The following TM9SF2 variants were observed in gnomAD, a reference collection of about 807,000 sequenced individuals.
The protein encoded by TM9SF2 is 76 kDa membrane protein.
A neutral mutation model predicts 84.9 loss-of-function variants in TM9SF2; 13 were observed. That is an observed-to-expected ratio of 0.15 (90% confidence interval 0.10 to 0.24). The LOEUF (loss-of-function observed/expected upper bound fraction) is 0.24. Ranked by LOEUF, TM9SF2 falls within the 10% of genes least tolerant of loss-of-function variation. The pLI is 1.00. For synonymous variants in TM9SF2, 273 were observed against 285.8 expected (o/e 0.96, Z 0.45); for missense variants, 562 against 818.5 (o/e 0.69, Z 3.82).
intron 1 of TM9SF2, among the ~76,000 whole-genome samples, chr13:99,507,698 T>A (rs147049667): frequency 6.6e-6 from 1 of 152,188 alleles, no homozygotes; most frequent in African/African-American, 2.4e-5. Context: ...AAGGCGCCAC[T>A]GTGGACTGCT....
chr13:99,563,284 T>C lies in TM9SF2; in HGVS notation c.*526T>C, dbSNP rs2046351835. The C allele has an allele frequency of 6.6e-6, 1 of 152,292 alleles. No individual in the cohort carries two copies. Among genetic ancestry groups the C allele is most frequent in the Admixed American group, 6.5e-5 (1 of 15,292 alleles). The allele number at this position is 152,292 out of a possible 1,614,324, so 9.4% of individuals were successfully genotyped here. A position where few individuals can be genotyped will look rare whatever the true frequency, so the allele number is the denominator to read the frequency against. On this transcript the variant is annotated 3_prime_UTR_variant, in exon 17 of 17. Transcript: ENST00000376387. ...GTTGTAACTGTTCATATCTTCTTAC[T>C]TTTCTGTGTTGACTTCATTATTCCC...
chr13:99,551,746 T>C (rs908879321), intron 12 of TM9SF2, among the ~76,000 whole-genome samples: 2 of 152,194 alleles, frequency 1.3e-5, no homozygotes, highest in African/African-American at 4.8e-5. Context: ...AAGTAGAATA[T>C]GTAAATAACT....
chr13:99,513,057 A>G (rs796502775), intron 1 of TM9SF2, among the ~76,000 whole-genome samples: 5 of 152,360 alleles, frequency 3.3e-5, no homozygotes, highest in African/African-American at 1.2e-4. Flanking sequence ...GAGAAAGTAT[A>G]TCTGAAGAGA....
intron 1 of TM9SF2, among the ~76,000 whole-genome samples, chr13:99,506,805 C>A (rs2046090663): frequency 6.6e-6 from 1 of 152,206 alleles, no homozygotes; most frequent in Admixed American, 6.5e-5. Context: ...GGTCTGTGCA[C>A]TGTCAGCCTT....
chr13:99,559,340 G>A (rs770087239), intron 15 of TM9SF2, 23 bp from the exon 16 acceptor site: 14 of 1,551,144 alleles, frequency 9.0e-6, no homozygotes, highest in East Asian at 2.3e-5. Context: ...TGTAATTCTT[G>A]TTCTTTTTTC....
chr13:99,548,849 T>C (rs2046294544), intron 11 of TM9SF2, among the ~76,000 whole-genome samples: 1 of 152,194 alleles, frequency 6.6e-6, no homozygotes, highest in South Asian at 2.1e-4. Context: ...CGTGTGCCCT[T>C]CCTGTGCCTA....
intron 3 of TM9SF2, 78 bp downstream of exon 3, chr13:99,520,207 C>T (rs1434179074): frequency 8.1e-7 from 1 of 1,240,436 alleles, no homozygotes; most frequent in East Asian, 2.4e-5. Flanking sequence ...TGAGATAACT[C>T]AGCTATCATT....
chr13:99,554,546 G>A, intron 14 of TM9SF2, 91 bp downstream of exon 14: 1 of 1,329,860 alleles, frequency 7.5e-7, no homozygotes, highest in Non-Finnish European at 1.0e-6. Flanking sequence ...TTTGTATCCT[G>A]TAAATGTAAG....
intron 4 of TM9SF2, among the ~76,000 whole-genome samples, chr13:99,531,230 T>C (rs1286587069): frequency 6.6e-6 from 1 of 152,182 alleles, no homozygotes; most frequent in Non-Finnish European, 1.5e-5. Context: ...TTCTTCTGAG[T>C]AATTTTGCTT....
intron 1 of TM9SF2, among the ~76,000 whole-genome samples, chr13:99,507,769 C>A (rs773349013): frequency 1.3e-5 from 2 of 152,164 alleles, no homozygotes; most frequent in Admixed American, 6.5e-5. Flanking sequence ...ATATCTCAAA[C>A]CCTTTTGTGA....
chr13:99,550,654 G>T (rs2046301991), intron 12 of TM9SF2, among the ~76,000 whole-genome samples: 1 of 152,036 alleles, frequency 6.6e-6, no homozygotes, highest in Non-Finnish European at 1.5e-5. Context: ...AGGAATAGAA[G>T]GATCATTTAA....
Position 99,532,727 on chromosome 13 carries a change from G to A in TM9SF2, c.461+3133G>A, listed in dbSNP as rs1281223390. ...ACTAATTTATGATGCAGTTAACAAA[G>A]ATTTCATTATAATGCCAAGATGCTT... On this transcript the variant is annotated intron_variant, in intron 4 of 16. Transcript: ENST00000376387. Among the ~76,000 whole-genome samples, 3 of 152,176 alleles carry A rather than the reference G, an allele frequency of 2.0e-5. No individual in the cohort carries two copies. In the East Asian group the frequency reaches 5.8e-4, roughly 29 times the overall value.
At chr13:99,559,630 T>G in intron 16 of TM9SF2, 96 bp downstream of exon 16, 5 of 1,159,762 alleles carry the variant, frequency 4.3e-6, no homozygotes, top group Non-Finnish European at 5.9e-6. Context: ...GAAGGCTTAT[T>G]CTGTTAGTGC....
chr13:99,552,288 C>T lies in TM9SF2; in HGVS notation c.1450C>T (p.Leu484=), dbSNP rs777657312. 82 of 1,613,922 alleles carry T rather than the reference C, an allele frequency of 5.1e-5. No individual in the cohort carries two copies. Among genetic ancestry groups the T allele is most frequent in the Admixed American group, 1.2e-4 (7 of 59,984 alleles). ...LALWFCISVP[L]TFIGAYFGFK... ...CCTTTGGTTCTGCATATCTGTGCCTCTGACGTTTATTGGTGCATACTTTGG... is the reference window on the plus strand; with the variant it reads ...CCTTTGGTTCTGCATATCTGTGCCTTTGACGTTTATTGGTGCATACTTTGG... The change falls in exon 13 of 17, where the codon CTG becomes TTG. Residue 484 remains leucine, a synonymous_variant. Transcript: ENST00000376387.
chr13:99,556,725 A>AG (rs2046326262), intron 15 of TM9SF2, among the ~76,000 whole-genome samples: 1 of 152,078 alleles, frequency 6.6e-6, no homozygotes, highest in Non-Finnish European at 1.5e-5. Context: ...CTGGGACTAC[A>AG]GGCGCCTGCC....
chr13:99,546,864 ACATGGTT>A, intron 10 of TM9SF2, 114 bp from the exon 11 acceptor site: 34 of 1,358,470 alleles, frequency 2.5e-5, no homozygotes, highest in South Asian at 1.4e-4. Flanking sequence ...GTAGGAGAGC[ACATGGTT>A]TTGCGTGAAG....
rs901377118 is a variant in TM9SF2, at chr13:99,517,623, G to A, written c.181G>A (p.Glu61Lys). ...KKSDECKAEI[E>K]LFVNRLDSVE... is the part of the protein sequence containing the mutation. ...GTTTCCTTATTTTCAGGCCGAAATA[G>A]AACTATTTGTGAACAGACTTGATTC... is the stretch of plus-strand genomic sequence containing the variant. Residue 61 changes from glutamate to lysine, a missense_variant, in exon 2 of 17, where the codon GAA becomes AAA. Glu to Lys is a moderately conservative substitution (Grantham distance 56). Around this residue, in one of 4 missense-constraint regions of TM9SF2, gnomAD observed 267 missense variants for 316.7 expected, o/e 0.84. Transcript: ENST00000376387. 1 of 1,580,256 alleles carries A rather than the reference G, an allele frequency of 6.3e-7. No individual in the cohort carries two copies. Among genetic ancestry groups the A allele is most frequent in the African/African-American group, 1.4e-5 (1 of 73,306 alleles).
chr13:99,541,983 C>T (rs2046261988), intron 9 of TM9SF2, among the ~76,000 whole-genome samples: 1 of 152,062 alleles, frequency 6.6e-6, no homozygotes, highest in African/African-American at 2.4e-5. Flanking sequence ...AACCCCATCT[C>T]TCCTAAAAAC....
chr13:99,527,226 A>G (rs1387563153), intron 3 of TM9SF2, among the ~76,000 whole-genome samples: 4 of 152,158 alleles, frequency 2.6e-5, no homozygotes, highest in Non-Finnish European at 5.9e-5. Flanking sequence ...TAATGGGATT[A>G]GTCCTGCCCA....
Sources: gnomAD v4.1 joint callset for allele counts (sites outside exome capture counted in the v4.1 genomes callset) on GRCh38, gnomAD v4.1.1 for gene constraint, gnomAD v4.1.1 regional missense constraint, MANE v1.5 for transcripts, NCBI Gene and HGNC (gene_info 2026-07-23, HGNC 2026-07-21) for gene names.